ASTN2: variants seen among roughly 807,000 people sequenced by gnomAD.
The protein encoded by ASTN2 is astrotactin-2.
ASTN2 carries 54 observed loss-of-function variants against 139.8 expected under a neutral mutation model. The ratio of observed to expected loss-of-function variants is 0.39; its 90% CI spans 0.31 to 0.48. ASTN2 has a LOEUF of 0.48. ASTN2 is among the 20% of genes least tolerant of loss of function. The probability of loss-of-function intolerance (pLI) is 0.95; values close to 1 mark genes in which losing one functional copy is unlikely to be tolerated. For missense variants in ASTN2, 1,565 were observed against 1,725.1 expected (o/e 0.91, Z 1.64); for synonymous variants, 756 against 719.5 (o/e 1.05, Z -0.81).
intron 11 of ASTN2, among the ~76,000 whole-genome samples, chr9:116,856,679 G>T (rs1299684246): frequency 6.6e-6 from 1 of 152,214 alleles, no homozygotes; most frequent in African/African-American, 2.4e-5. Flanking sequence ...GGCAGCTCTT[G>T]TTGTTGTCTC....
intron 16 of ASTN2, among the ~76,000 whole-genome samples, chr9:116,720,653 C>A (rs1828447131): frequency 6.6e-6 from 1 of 151,598 alleles, no homozygotes; most frequent in African/African-American, 2.4e-5. Context: ...ACAGAATGAA[C>A]AATTCTTTCA....
intron 1 of ASTN2, among the ~76,000 whole-genome samples, chr9:117,306,201 T>C (rs1465701033): frequency 1.3e-5 from 2 of 152,180 alleles, no homozygotes; most frequent in African/African-American, 2.4e-5. Context: ...ACAGAAACTC[T>C]AAACTTAGAG....
intron 2 of ASTN2, among the ~76,000 whole-genome samples, chr9:117,254,101 G>A (rs1833617105): frequency 6.6e-6 from 1 of 152,034 alleles, no homozygotes; most frequent in South Asian, 2.1e-4. Flanking sequence ...TTACTTCCTT[G>A]GGCAAATGAC....
chr9:117,246,450 A>C (rs1355932730), intron 2 of ASTN2, among the ~76,000 whole-genome samples: 5 of 152,236 alleles, frequency 3.3e-5, no homozygotes, highest in African/African-American at 9.6e-5. Context: ...GCTGAGTCTC[A>C]GTGTCCTCTC....
chr9:116,677,385 ACT>A (rs1198416483), intron 16 of ASTN2, among the ~76,000 whole-genome samples: 1 of 151,604 alleles, frequency 6.6e-6, no homozygotes, highest in Non-Finnish European at 1.5e-5. Flanking sequence ...AAAATCAAAC[ACT>A]CTGTTCTGTT....
intron 19 of ASTN2, among the ~76,000 whole-genome samples, chr9:116,553,767 C>T (rs1304938650): frequency 1.3e-5 from 2 of 152,216 alleles, no homozygotes; most frequent in African/African-American, 4.8e-5. Flanking sequence ...AGGTTATAGC[C>T]TCTTTTCCCT....
At chr9:117,372,831 A>G (rs937752703) in intron 1 of ASTN2, among the ~76,000 whole-genome samples, 7 of 152,084 alleles carry the variant, frequency 4.6e-5, no homozygotes, top group Admixed American at 3.9e-4. Context: ...ATCCTTTGCA[A>G]ATTCCTCAAG....
chr9:116,617,172 T>C (rs956006865), intron 19 of ASTN2, among the ~76,000 whole-genome samples: 1 of 152,318 alleles, frequency 6.6e-6, no homozygotes, highest in African/African-American at 2.4e-5. Context: ...TTTCTTTTTC[T>C]GACTTCTTTT....
At chr9:117,389,775 T>C (rs966051033) in intron 1 of ASTN2, among the ~76,000 whole-genome samples, 1 of 151,978 alleles carries the variant, frequency 6.6e-6, no homozygotes, top group Non-Finnish European at 1.5e-5. Context: ...AAAGTCCCTG[T>C]CCTTGAAAAG....
chr9:117,341,609 T>G (rs1229715140), intron 1 of ASTN2, among the ~76,000 whole-genome samples: 9 of 152,204 alleles, frequency 5.9e-5, no homozygotes, highest in Admixed American at 5.9e-4. Flanking sequence ...TCTGGGTCTT[T>G]TTATGGGCCT....
At chr9:116,612,889 G>A (rs1249434823) in intron 19 of ASTN2, 42 of 112,752 alleles carry the variant, frequency 3.7e-4, no homozygotes, top group African/African-American at 1.3e-3. Context: ...GAAGGAGATA[G>A]AGACAAAAAA....
intron 19 of ASTN2, chr9:116,586,125 T>C (rs943706952): frequency 3.3e-5 from 5 of 152,176 alleles, no homozygotes; most frequent in African/African-American, 1.2e-4. Context: ...AGAATGGCTA[T>C]TATCAAAAAG....
At chr9:116,550,569 T>C (rs536966108) in intron 19 of ASTN2, among the ~76,000 whole-genome samples, 1 of 152,150 alleles carries the variant, frequency 6.6e-6, no homozygotes, top group East Asian at 1.9e-4. Flanking sequence ...AGGTGGGGAT[T>C]GGGAGAGGAA....
intron 5 of ASTN2, among the ~76,000 whole-genome samples, chr9:117,062,930 GC>G (rs1263710913): frequency 1.3e-5 from 2 of 152,258 alleles, no homozygotes; most frequent in East Asian, 3.9e-4. Flanking sequence ...TAAGGGGCTA[GC>G]CTTGGCTCCA....
intron 16 of ASTN2, among the ~76,000 whole-genome samples, chr9:116,691,444 C>T (rs1351775475): frequency 6.6e-6 from 1 of 152,142 alleles, no homozygotes; most frequent in African/African-American, 2.4e-5. Context: ...TAGAGGAAGA[C>T]AGAGACAACA....
chr9:117,370,450 T>C (rs542020786), intron 1 of ASTN2, among the ~76,000 whole-genome samples: 42 of 152,104 alleles, frequency 2.8e-4, no homozygotes, highest in African/African-American at 7.2e-4. Flanking sequence ...GAAAAAGAAA[T>C]AGATGGCCAA....
chr9:117,298,694 G>GTATATATATATATA (rs1564133209), intron 1 of ASTN2, among the ~76,000 whole-genome samples: 3 of 76,174 alleles, frequency 3.9e-5, no homozygotes, highest in Non-Finnish European at 8.3e-5. Flanking sequence ...ATATATATGT[G>GTATATATATATATA]CATATGTATG....
chr9:116,996,909 T>C (rs1044363273), intron 7 of ASTN2, among the ~76,000 whole-genome samples: 7 of 152,154 alleles, frequency 4.6e-5, no homozygotes, highest in African/African-American at 1.7e-4. Context: ...TAACACATTT[T>C]TTAGATAAAA....
intron 1 of ASTN2, among the ~76,000 whole-genome samples, chr9:117,308,252 A>T (rs867382256): frequency 2.2e-4 from 27 of 122,680 alleles, no homozygotes; most frequent in African/African-American, 5.9e-4. Flanking sequence ...AATCAATCAA[A>T]CAAACAAAAA....
Sources: gnomAD v4.1 joint callset for allele counts (sites outside exome capture counted in the v4.1 genomes callset) on GRCh38, gnomAD v4.1.1 for gene constraint, MANE v1.5 for transcripts, NCBI Gene and HGNC (gene_info 2026-07-23, HGNC 2026-07-21) for gene names.